The following ZNF841 variants were observed in gnomAD, a reference collection of about 807,000 sequenced individuals.
ZNF841 encodes the protein zinc finger protein 841.
A neutral mutation model predicts 13.0 loss-of-function variants in ZNF841; 11 were observed. That is an observed-to-expected ratio of 0.85 (90% CI 0.53 to 1.40). ZNF841 has a LOEUF of 1.40. ZNF841 is among the 40% of genes most tolerant of loss of function. The pLI, the probability that ZNF841 is intolerant of heterozygous loss-of-function variation, is 0.00. For synonymous variants in ZNF841, 369 were observed against 381.6 expected, an observed-to-expected ratio of 0.97 and a Z score of 0.38; for missense variants, 1,068 against 1,139.5, an observed-to-expected ratio of 0.94 and a Z score of 0.90.
At chr19:52,084,912 A>C (rs1289952685) in intron 3 of ZNF841, 34 bp from the exon 4 acceptor site, 19 of 1,200,770 alleles carry the variant, frequency 1.6e-5, no homozygotes, top group Admixed American at 4.9e-5. Flanking sequence ...TAATCCTTGG[A>C]AACAACACAT....
At chr19:52,093,390 C>G (rs2088569539) in intron 2 of ZNF841, among the ~76,000 whole-genome samples, 1 of 152,102 alleles carries the variant, frequency 6.6e-6, no homozygotes, top group Admixed American at 6.5e-5. Flanking sequence ...TACTGTATGA[C>G]CTCACAAGTG....
Position 52,067,133 on chromosome 19 carries a change from T to A in ZNF841, c.749A>T (p.Gln250Leu). ...TTCCCTAATATGTGTTTTCTCGTCT[T>A]GTGTAGGTAACGAAAGTTGCAAAAA... ...NDFLQLSLPT[Q>L]DEKTHIREKP... Residue 250 changes from glutamine to leucine, a missense_variant, in exon 7 of 7, where the codon CAA (glutamine) becomes CTA (leucine). By Grantham distance (113) the Gln-to-Leu change is moderately radical (BLOSUM62 -2). Transcript: ENST00000594440. 6.4e-7 allele frequency: 1 copy of A among 1,563,330 alleles called. No homozygotes were observed. The highest frequency in any genetic ancestry group is 2.4e-5 in the East Asian group (1 of 41,926).
At chr19:52,067,631 G>A (rs1453008509) in intron 6 of ZNF841, 21 bp from the exon 7 acceptor site, 3 of 1,426,114 alleles carry the variant, frequency 2.1e-6, no homozygotes, top group Middle Eastern at 1.9e-4. Flanking sequence ...TAATGAACAT[G>A]GGGTTTTAAA....
intron 3 of ZNF841, among the ~76,000 whole-genome samples, chr19:52,086,462 T>A (rs2088279058): frequency 6.6e-6 from 1 of 152,174 alleles, no homozygotes; most frequent in East Asian, 1.9e-4. Flanking sequence ...TCTTGCAGCC[T>A]CCCCAGAAGC....
intron 3 of ZNF841, among the ~76,000 whole-genome samples, chr19:52,085,979 C>G (rs1257045237): frequency 6.6e-6 from 1 of 152,128 alleles, no homozygotes; most frequent in Non-Finnish European, 1.5e-5. Flanking sequence ...AAAGCTAAAG[C>G]CAGGAAGTAC....
downstream of ZNF841, among the ~76,000 whole-genome samples, chr19:52,062,907 G>A (rs1003838765): frequency 8.1e-5 from 10 of 123,240 alleles, no homozygotes; most frequent in South Asian, 7.5e-4. Flanking sequence ...ACGGAGTCTT[G>A]CTCTGTCGCC....
chr19:52,061,554 T>G (rs1220907163), downstream of ZNF841, among the ~76,000 whole-genome samples: 1 of 152,018 alleles, frequency 6.6e-6, no homozygotes, highest in African/African-American at 2.4e-5. Flanking sequence ...ACTCTTACTT[T>G]TTCTTTTTTG....
intron 6 of ZNF841, among the ~76,000 whole-genome samples, chr19:52,075,320 C>T (rs2087863957): frequency 6.6e-6 from 1 of 152,134 alleles, no homozygotes; most frequent in Non-Finnish European, 1.5e-5. Context: ...GTGCTCTGTC[C>T]ACAGATCCCA....
At chr19:52,091,198 C>T (rs1384002193) in intron 2 of ZNF841, among the ~76,000 whole-genome samples, 1 of 152,068 alleles carries the variant, frequency 6.6e-6, no homozygotes, top group East Asian at 1.9e-4. Context: ...GAAGAACACA[C>T]AAAGAAATGG....
At position 52,067,457 on chromosome 19, in the gene ZNF841, T is replaced by A. The variant is rs1393873052; in HGVS notation, c.425A>T (p.Asp142Val). 10 of 1,553,750 alleles carry A rather than the reference T, an allele frequency of 6.4e-6. No homozygotes were observed. The Admixed American group carries it at 2.0e-4, about 30-fold the overall frequency. Reference sequence around the variant, plus strand: ...TATTTCACCATCTTTCCATTGAAAGTCAACTTCCTGTAGATTTTTCCGGAT... The same window carrying A: ...TATTTCACCATCTTTCCATTGAAAGACAACTTCCTGTAGATTTTTCCGGAT... ...REIRKNLQEV[D>V]FQWKDGEINY... Residue 142 changes from aspartate to valine, a missense_variant, in exon 7 of 7, where the codon GAC (aspartate) becomes GTC (valine). By Grantham distance (152) the Asp-to-Val change is radical. Transcript: ENST00000594440.
the ZNF841 span, among the ~76,000 whole-genome samples, chr19:52,059,370 A>AAATATATAT: frequency 7.2e-5 from 5 of 69,646 alleles, no homozygotes; most frequent in African/African-American, 4.1e-4. Context: ...AAAAAAAAAA[A>AAATATATAT]ATATATATAT....
chr19:52,076,797 G>T (rs562132977), intron 5 of ZNF841, 161 bp downstream of exon 5: 2 of 758,234 alleles, frequency 2.6e-6, no homozygotes, highest in Non-Finnish European at 2.0e-6. Flanking sequence ...ATAGAAATGG[G>T]ACAGTTAAAG....
At position 52,076,100 on chromosome 19, in the gene ZNF841, T is replaced by C. The variant is rs1475512398; in HGVS notation, c.215A>G (p.Gln72Arg). 1.3e-6 allele frequency: 2 copies of C among 1,555,416 alleles called. No homozygotes were observed. Among genetic ancestry groups the C allele is most frequent in the East Asian group, 4.8e-5 (2 of 41,386 alleles). ...QGKEPWTVVS[Q>R]VKIARNPNCG... ...GTTTGGGTTCCTCGCTATTTTCACT[T>C]GGCTCACCACAGTCCAGGGCTCTTT... Residue 72 changes from glutamine (Q) to arginine (R), a missense_variant, in exon 6 of 7, where the codon CAA (glutamine) becomes CGA (arginine). Coordinates refer to ENST00000594440, the MANE Select transcript of ZNF841 (RefSeq NM_001136499.2).
intron 6 of ZNF841, among the ~76,000 whole-genome samples, chr19:52,075,194 C>T (rs1323845757): frequency 6.6e-6 from 1 of 152,110 alleles, no homozygotes; most frequent in African/African-American, 2.4e-5. Context: ...AAGCAAGTCT[C>T]AGAGGCAAAA....
intron 4 of ZNF841, among the ~76,000 whole-genome samples, chr19:52,082,835 C>T (rs1022377806): frequency 2.6e-5 from 4 of 152,170 alleles, no homozygotes; most frequent in Non-Finnish European, 1.5e-5. Flanking sequence ...AATCCCAGCA[C>T]TTTGGGAGGC....
Position 52,066,201 on chromosome 19 carries a change from T to C in ZNF841, c.1681A>G (p.Arg561Gly). 1 of 1,613,086 alleles carries C rather than the reference T, an allele frequency of 6.2e-7. No individual in the cohort carries two copies. Among genetic ancestry groups the C allele is most frequent in the Non-Finnish European group, 8.5e-7 (1 of 1,179,726 alleles). Reference sequence around the variant, plus strand: ...AGAGGTTTCTCTCCAGTATGACATCTCATATGAACCGAAAGGTATCCACCG... The same window carrying C: ...AGAGGTTTCTCTCCAGTATGACATCCCATATGAACCGAAAGGTATCCACCG... Reference protein sequence around the residue: ...NYGGYLSVHMRCHTGEKPLHC... With the variant: ...NYGGYLSVHMGCHTGEKPLHC... The change falls in exon 7 of 7, where the codon AGA becomes GGA. Residue 561 changes from arginine to glycine, a missense_variant. Arg to Gly is a moderately radical substitution (Grantham distance 125, BLOSUM62 -2). Coordinates refer to ENST00000594440, the MANE Select transcript of ZNF841 (RefSeq NM_001136499.2).
Position 52,064,884 on chromosome 19 carries a change from T to G in ZNF841, c.*223A>C, listed in dbSNP as rs1027816923. The G allele has an allele frequency of 2.3e-5, 8 of 342,916 alleles. No homozygotes were observed. Among genetic ancestry groups the G allele is most frequent in the Non-Finnish European group, 4.2e-5 (8 of 189,684 alleles). The allele number at this position is 342,916 out of a possible 1,614,324, so 21.2% of individuals were successfully genotyped here. A position where few individuals can be genotyped will look rare whatever the true frequency, so the allele number is the denominator to read the frequency against. ...CCTGACCTCAAGTGATCCGCCCACC[T>G]CAGCCTCCCAAAGTGCTGGGATTAC... On this transcript the variant is annotated 3_prime_UTR_variant, in exon 7 of 7. Transcript: ENST00000594440.
At chr19:52,088,652 A>G (rs1372426554) in intron 3 of ZNF841, among the ~76,000 whole-genome samples, 1 of 152,246 alleles carries the variant, frequency 6.6e-6, no homozygotes, top group African/African-American at 2.4e-5. Flanking sequence ...ATAATTTCAT[A>G]GCCACCTCCC....
chr19:52,067,267 A>G lies in ZNF841; in HGVS notation c.615T>C (p.Tyr205=). Residue 205 remains tyrosine, a synonymous_variant, in exon 7 of 7, where the codon TAT becomes TAC. Transcript: ENST00000594440. ...LQKFQTAEKI[Y]GCNQIERTVN... ...CTGTCCTCTCAATTTGATTACATCCATAAATTTTCTCTGCAGTTTGAAATT... is the reference window on the plus strand; with the variant it reads ...CTGTCCTCTCAATTTGATTACATCCGTAAATTTTCTCTGCAGTTTGAAATT... The G allele has an allele frequency of 6.4e-7, 1 of 1,551,656 alleles. No individual in the cohort carries two copies. The highest frequency in any genetic ancestry group is 8.7e-7 in the Non-Finnish European group (1 of 1,146,966).
Sources: gnomAD v4.1 joint callset for allele counts (sites outside exome capture counted in the v4.1 genomes callset) on GRCh38, gnomAD v4.1.1 for gene constraint, MANE v1.5 for transcripts, NCBI Gene and HGNC (gene_info 2026-07-23, HGNC 2026-07-21) for gene names.